Variants in TAS2R1 observed in about 807,000 individuals in gnomAD.
The protein encoded by TAS2R1 is taste receptor type 2 member 1.
For missense variants in TAS2R1, 370 were observed against 353.4 expected (o/e 1.05, Z -0.38); for synonymous variants, 141 against 134.2 (o/e 1.05, Z -0.35).
At chr5:9,885,566 T>C in the TAS2R1 span, among the ~76,000 whole-genome samples, 1 of 152,202 alleles carries the variant, frequency 6.6e-6, no homozygotes, top group Admixed American at 6.5e-5. Flanking sequence ...TTTTAACAAA[T>C]TGAACTAAAA....
rs747751192 is a variant in TAS2R1 at position 9,629,993 on chromosome 5, C to A, written c.40G>T (p.Val14Leu). ...SHLIIYFLLA[V>L]IQFLLGIFTN... ...AAAATCCCAAGAAGAAATTGTATCA[C>A]TGCAAGAAGAAAATAGATAATGAGG... Residue 14 changes from valine to leucine, a missense_variant, in exon 1 of 1, where the codon GTG (valine) becomes TTG (leucine). By Grantham distance (32) the Val-to-Leu change is conservative. Coordinates refer to ENST00000382492, the MANE Select transcript of TAS2R1 (RefSeq NM_019599.3). The A allele has an allele frequency of 6.3e-7, 1 of 1,589,868 alleles. No individual in the cohort carries two copies. Among genetic ancestry groups the A allele is most frequent in the Admixed American group, 1.9e-5 (1 of 53,396 alleles).
the TAS2R1 span, among the ~76,000 whole-genome samples, chr5:9,764,280 G>T: frequency 5.8e-4 from 89 of 152,278 alleles, no homozygotes; most frequent in Non-Finnish European, 1.1e-3. Flanking sequence ...ACCACCCTAT[G>T]TAGCTTCGGA....
the TAS2R1 span, among the ~76,000 whole-genome samples, chr5:9,798,143 C>T: frequency 5.9e-5 from 9 of 152,116 alleles, no homozygotes; most frequent in South Asian, 2.1e-4. Context: ...CCATGGTGTA[C>T]GATTTGATTA....
the TAS2R1 span, among the ~76,000 whole-genome samples, chr5:9,726,335 C>T: frequency 2.0e-5 from 3 of 152,302 alleles, no homozygotes; most frequent in South Asian, 2.1e-4. Context: ...ATTGTAAATG[C>T]ACCAATCAGC....
the TAS2R1 span, among the ~76,000 whole-genome samples, chr5:9,782,745 T>G: frequency 6.6e-6 from 1 of 152,222 alleles, no homozygotes; most frequent in African/African-American, 2.4e-5. Flanking sequence ...ATCTTTTCTT[T>G]TCTTTCTAAA....
chr5:9,730,860 T>A, the TAS2R1 span, among the ~76,000 whole-genome samples: 18 of 152,164 alleles, frequency 1.2e-4, no homozygotes, highest in African/African-American at 4.3e-4. Context: ...GATCTGATAG[T>A]TTTATAAGGC....
the TAS2R1 span, among the ~76,000 whole-genome samples, chr5:9,835,394 A>T: frequency 6.6e-6 from 1 of 152,254 alleles, no homozygotes; most frequent in East Asian, 1.9e-4. Context: ...GGTGACCTAG[A>T]CCCATTCACA....
chr5:9,633,300 ATATATATATATAT>A (rs1739907646), upstream of TAS2R1, among the ~76,000 whole-genome samples: 2 of 113,082 alleles, frequency 1.8e-5, no homozygotes, highest in African/African-American at 8.4e-5. Flanking sequence ...TATATTATAT[ATATATATATATAT>A]ATATATACAC....
chr5:9,711,628 T>G (rs1734663532), intron 1 of TAS2R1, among the ~76,000 whole-genome samples: 1 of 152,304 alleles, frequency 6.6e-6, no homozygotes, highest in South Asian at 2.1e-4. Flanking sequence ...TATTGTATAC[T>G]TAAGAATTTG....
the TAS2R1 span, among the ~76,000 whole-genome samples, chr5:9,822,539 C>A: frequency 2.6e-5 from 4 of 151,734 alleles, no homozygotes; most frequent in Admixed American, 6.6e-5. Context: ...TTAGTAGACA[C>A]GGGGTTTCAC....
the TAS2R1 span, among the ~76,000 whole-genome samples, chr5:9,803,194 C>CA: frequency 2.0e-5 from 3 of 151,952 alleles, no homozygotes; most frequent in East Asian, 1.9e-4. Context: ...TCATTTAACA[C>CA]AAAAAAGAAT....
At chr5:9,712,708 G>A (rs935968016), upstream of TAS2R1, among the ~76,000 whole-genome samples, 1 of 152,164 alleles carries the variant, frequency 6.6e-6, no homozygotes, top group Non-Finnish European at 1.5e-5. Flanking sequence ...ACTCTTTAAA[G>A]TAAATAAATG....
the TAS2R1 span, among the ~76,000 whole-genome samples, chr5:9,894,154 G>A: frequency 6.6e-5 from 10 of 152,156 alleles, no homozygotes; most frequent in South Asian, 2.1e-3. Flanking sequence ...TGTAATCCCT[G>A]TACTTTGGGA....
At position 9,630,171 on chromosome 5, in the gene TAS2R1, G is replaced by C. The variant is rs570160671; in HGVS notation, c.-139C>G. ...CAATAAAGGCATGGGGCAGGAAGGTGGTGTACATTTGTTTATGTCACTGCT... is the reference window on the plus strand; with the variant it reads ...CAATAAAGGCATGGGGCAGGAAGGTCGTGTACATTTGTTTATGTCACTGCT... On this transcript the variant is annotated 5_prime_UTR_variant, in exon 1 of 1. Coordinates refer to ENST00000382492, the MANE Select transcript of TAS2R1 (RefSeq NM_019599.3). The C allele has an allele frequency of 6.1e-6, 4 of 659,768 alleles. No individual in the cohort carries two copies. 40.9% of individuals were successfully genotyped at this position (659,768 alleles called of 1,614,324 possible).
At chr5:9,796,648 TG>T in the TAS2R1 span, among the ~76,000 whole-genome samples, 284 of 143,330 alleles carry the variant, frequency 2.0e-3, 1 homozygote, top group African/African-American at 7.3e-3. Context: ...AAGAGTGGCC[TG>T]AAAGTCCTTT....
At chr5:9,701,834 T>C (rs1472461166) in intron 1 of TAS2R1, among the ~76,000 whole-genome samples, 1 of 152,212 alleles carries the variant, frequency 6.6e-6, no homozygotes, top group Non-Finnish European at 1.5e-5. Flanking sequence ...AGTCATATTG[T>C]TACCATTTAT....
chr5:9,730,486 C>T, the TAS2R1 span, among the ~76,000 whole-genome samples: 1 of 152,180 alleles, frequency 6.6e-6, no homozygotes, highest in Non-Finnish European at 1.5e-5. Flanking sequence ...CACACCTGTG[C>T]AGGTGCCACA....
rs1459533580 is a variant in TAS2R1, at chr5:9,628,722, C to A, written c.*411G>T. 2.6e-5 allele frequency among the ~76,000 whole-genome samples: 4 copies of A among 152,204 alleles called. No homozygotes were observed. On this transcript the variant is annotated 3_prime_UTR_variant, in exon 1 of 1. Coordinates refer to ENST00000382492, the MANE Select transcript of TAS2R1 (RefSeq NM_019599.3). The stretch of plus-strand genomic sequence containing the variant: ...CGTCAGATATTCATGGACCATACAG[C>A]ATTCATGTGTCCTTCTGACATCACG...
chr5:9,816,095 A>G, the TAS2R1 span, among the ~76,000 whole-genome samples: 3 of 152,314 alleles, frequency 2.0e-5, no homozygotes, highest in South Asian at 6.2e-4. Flanking sequence ...CTCAAGGATT[A>G]TATGTCTTTA....
Sources: gnomAD v4.1 joint callset for allele counts (sites outside exome capture counted in the v4.1 genomes callset) on GRCh38, gnomAD v4.1.1 for gene constraint, MANE v1.5 for transcripts, NCBI Gene and HGNC (gene_info 2026-07-23, HGNC 2026-07-21) for gene names.